DUS1L: variants seen among roughly 807,000 people sequenced by gnomAD.
DUS1L encodes the protein tRNA-dihydrouridine(16/17) synthase [NAD(P)(+)]-like.
In DUS1L, 56 loss-of-function variants were observed where a neutral mutation model predicts 61.2. The ratio of observed to expected loss-of-function variants is 0.92; its 90% CI spans 0.74 to 1.14. The LOEUF (loss-of-function observed/expected upper bound fraction) is 1.14. Ranked by LOEUF, DUS1L falls within the 50% of genes most tolerant of loss-of-function variation. The probability of loss-of-function intolerance (pLI) is 0.00; values close to 1 mark genes in which losing one functional copy is unlikely to be tolerated. For missense variants in DUS1L, 630 were observed against 632.4 expected (o/e 1.00, Z 0.04); for synonymous variants, 278 against 259.5 (o/e 1.07, Z -0.69).
intron 4 of DUS1L, 79 bp from the exon 5 acceptor site, chr17:82,063,052 G>T: frequency 1.6e-6 from 2 of 1,268,352 alleles, no homozygotes; most frequent in Non-Finnish European, 2.3e-6. Context: ...CCAGGGCCCT[G>T]CAGACAGCGG....
In DUS1L at chr17:82,065,708, C is replaced by T. The variant is rs1221077909; in HGVS notation, c.-106G>A. 6.8e-6 allele frequency: 1 copy of T among 148,018 alleles called. No homozygotes were observed. Among genetic ancestry groups the T allele is most frequent in the Non-Finnish European group, 1.5e-5 (1 of 66,598 alleles). 9.2% of individuals were successfully genotyped at this position (148,018 alleles called of 1,614,324 possible). On this transcript the variant is annotated 5_prime_UTR_variant, in exon 1 of 14. Transcript: ENST00000306796. Reference sequence around the variant, plus strand: ...CCGCCCCTCTCCGGCCTCGCCGCCGCCCGGGGCCCCTGCAGCTCCCGGGGC... The same window carrying T: ...CCGCCCCTCTCCGGCCTCGCCGCCGTCCGGGGCCCCTGCAGCTCCCGGGGC...
intron 10 of DUS1L, 101 bp downstream of exon 10, chr17:82,060,600 C>G: frequency 2.1e-6 from 3 of 1,438,218 alleles, no homozygotes; most frequent in Non-Finnish European, 2.8e-6. Context: ...GATGACTGAC[C>G]ATAATGGCTG....
chr17:82,060,032 C>T lies in DUS1L; in HGVS notation c.1084G>A (p.Glu362Lys), dbSNP rs1377248973. Reference protein sequence around the residue: ...ARSKRALEEEEGGTEVLSKNK... With the variant: ...ARSKRALEEEKGGTEVLSKNK... ...TTGGACAGGACCTCCGTGCCACCCTCCTCTTCCTCCAGGGCCCGCTTGCTG... is the reference window on the plus strand; with the variant it reads ...TTGGACAGGACCTCCGTGCCACCCTTCTCTTCCTCCAGGGCCCGCTTGCTG... Residue 362 changes from glutamate (E) to lysine (K), a missense_variant, in exon 11 of 14, where the codon GAG (glutamate) becomes AAG (lysine). Glu to Lys is a moderately conservative substitution (Grantham distance 56). Coordinates refer to ENST00000306796, the MANE Select transcript of DUS1L (RefSeq NM_022156.5). 6.2e-7 allele frequency: 1 copy of T among 1,613,852 alleles called. No individual in the cohort carries two copies. The highest frequency in any genetic ancestry group is 8.5e-7 in the Non-Finnish European group (1 of 1,179,986).
chr17:82,061,334 G>C lies in DUS1L; in HGVS notation c.717C>G (p.Pro239=), dbSNP rs772398801. ...VMSAEGNLHN[P]ALFEGRSPAV... is the part of the protein sequence containing the mutation. ...CAGGGCTCCGGCCCTCGAACAGGGC[G>C]GGGTTGTGCAGGTTGCCCTCTGTGG... The change falls in exon 8 of 14, where the codon CCC becomes CCG. Residue 239 remains proline (P), a synonymous_variant. Transcript: ENST00000306796. The C allele has an allele frequency of 1.3e-6, 2 of 1,589,932 alleles. No homozygotes were observed. Among genetic ancestry groups the C allele is most frequent in the African/African-American group, 2.7e-5 (2 of 74,370 alleles).
rs2033408756 is a variant in DUS1L, at chr17:82,060,148, CCACAGCCACACGGGT to C, written c.1023-70_1023-56del. ...GGACACTGTGAGAGGGGCCCAGCAG[CCACAGCCACACGGGT>C]CTGAGTCTGGGTGAGGGGCCAGGCG... On this transcript the variant is annotated intron_variant, in intron 10 of 13. Transcript: ENST00000306796. 4 of 1,580,018 alleles carry C rather than the reference CCACAGCCACACGGGT, an allele frequency of 2.5e-6. No homozygotes were observed. In the Admixed American group the frequency reaches 7.2e-5, roughly 28 times the overall value.
In DUS1L at chr17:82,061,664, C is replaced by A. The variant is rs2033504757; in HGVS notation, c.651G>T (p.Val217=). ...CACCCGTGTCCCGGAGGCAGCGCTCCACGTCCTGCAGGCACTGGATGTTCC... is the reference window on the plus strand; with the variant it reads ...CACCCGTGTCCCGGAGGCAGCGCTCAACGTCCTGCAGGCACTGGATGTTCC... ...ANGNIQCLQD[V]ERCLRDTGVQ... The change falls in exon 7 of 14, where the codon GTG becomes GTT. Residue 217 remains valine (V), a synonymous_variant. Transcript: ENST00000306796. 1.9e-6 allele frequency: 3 copies of A among 1,612,886 alleles called. No homozygotes were observed. The African/African-American group carries it at 4.0e-5, about 22-fold the overall frequency.
In DUS1L at chr17:82,057,916, G is replaced by A. The variant is rs770607614; in HGVS notation, c.*199C>T. On this transcript the variant is annotated 3_prime_UTR_variant, in exon 14 of 14. Coordinates refer to ENST00000306796, the MANE Select transcript of DUS1L (RefSeq NM_022156.5). ...TGATTTATTGTTCACTTTTGCACACGCGTGCTGAGGACAGGGCAGGTCCAG... is the reference window on the plus strand; with the variant it reads ...TGATTTATTGTTCACTTTTGCACACACGTGCTGAGGACAGGGCAGGTCCAG... The A allele has an allele frequency of 2.8e-5, 14 of 496,224 alleles. No individual in the cohort carries two copies. Among genetic ancestry groups the A allele is most frequent in the Non-Finnish European group, 3.7e-5 (11 of 295,714 alleles). 30.7% of individuals were successfully genotyped at this position (496,224 alleles called of 1,614,324 possible).
rs1158094593 is a variant in DUS1L at position 82,062,720 on chromosome 17, T to TG, written c.510+140dup. The TG allele has an allele frequency of 2.1e-5, 14 of 681,628 alleles. No homozygotes were observed. The Admixed American group carries it at 3.6e-4, about 18-fold the overall frequency. The allele number at this position is 681,628 out of a possible 1,614,324, so 42.2% of individuals were successfully genotyped here. The stretch of plus-strand genomic sequence containing the variant: ...TTGGGGTGGTGGCACTCAGAGCCAG[T>TG]GGGGACAGGCCAGTCAGGAGGGCCA... On this transcript the variant is annotated intron_variant, in intron 5 of 13. Coordinates refer to ENST00000306796, the MANE Select transcript of DUS1L (RefSeq NM_022156.5).
Position 82,061,983 on chromosome 17 carries a change from AC to A in DUS1L, c.511-1del. On this transcript the variant is annotated splice_acceptor_variant, in intron 5 of 13. Transcript: ENST00000306796. LOFTEE classifies it high-confidence loss of function. ...TTGGTGCGTCCGTGCACCGTCAGCA[AC>A]TAGGACAGAGCAGTGGTCGCTTGAC... is the stretch of plus-strand genomic sequence containing the variant. 1 of 1,601,658 alleles carries A rather than the reference AC, an allele frequency of 6.2e-7. No homozygotes were observed.
chr17:82,059,952 C>G lies in DUS1L; in HGVS notation c.1164G>C (p.Leu388=), dbSNP rs754347823. The G allele has an allele frequency of 1.2e-6, 2 of 1,613,994 alleles. No individual in the cohort carries two copies. Among genetic ancestry groups the G allele is most frequent in the East Asian group, 2.2e-5 (1 of 44,882 alleles). The part of the protein sequence containing the change: ...RNPHKTFDPS[L]KPKYAKCDQC... ...ATCAGCGGAAGCAGCACTTACGCTT[C>G]AGAGAGGGGTCGAAGGTCTTGTGGG... Residue 388 remains leucine, a synonymous_variant, in exon 11 of 14, where the codon CTG becomes CTC. Transcript: ENST00000306796.
chr17:82,062,010 CCCT>C (rs775011070), intron 5 of DUS1L, 27 bp from the exon 6 acceptor site: 1 of 1,546,174 alleles, frequency 6.5e-7, no homozygotes, highest in South Asian at 1.2e-5. Flanking sequence ...GTCGCTTGAC[CCCT>C]CCAAGCCCCT....
rs958364752 is a variant in DUS1L at position 82,065,126 on chromosome 17, C to A, written c.-10-57G>T. 5 of 1,461,610 alleles carry A rather than the reference C, an allele frequency of 3.4e-6. No individual in the cohort carries two copies. The Admixed American group carries it at 9.2e-5, about 27-fold the overall frequency. The allele number at this position is 1,461,610 out of a possible 1,614,324, so 90.5% of individuals were successfully genotyped here. ...CAGGCCCAACGAGGGGCTTAAGACTCAACTCAGAGGCAGCGGTCACCCTTC... is the reference window on the plus strand; with the variant it reads ...CAGGCCCAACGAGGGGCTTAAGACTAAACTCAGAGGCAGCGGTCACCCTTC... On this transcript the variant is annotated intron_variant, in intron 1 of 13. Transcript: ENST00000306796.
At position 82,060,909 on chromosome 17, in the gene DUS1L, C is replaced by T. The variant is rs748124886; in HGVS notation, c.895G>A (p.Glu299Lys). 4 of 1,611,468 alleles carry T rather than the reference C, an allele frequency of 2.5e-6. No homozygotes were observed. Among genetic ancestry groups the T allele is most frequent in the Non-Finnish European group, 3.4e-6 (4 of 1,179,926 alleles). The change falls in exon 9 of 14, where the codon GAG becomes AAG. Residue 299 changes from glutamate to lysine, a missense_variant. Coordinates refer to ENST00000306796, the MANE Select transcript of DUS1L (RefSeq NM_022156.5). Reference sequence around the variant, plus strand: ...TCCTGGCTCACAGCAGCGATGCCCTCCAGGGTCTTCACCTTGGCCAGCTCC... The same window carrying T: ...TCCTGGCTCACAGCAGCGATGCCCTTCAGGGTCTTCACCTTGGCCAGCTCC... ...REELAKVKTLEGIAAVSQELK... is the reference protein window; with the variant it reads ...REELAKVKTLKGIAAVSQELK...
chr17:82,061,956 C>T lies in DUS1L; in HGVS notation c.538G>A (p.Glu180Lys). The change falls in exon 6 of 14, where the codon GAG (glutamate) becomes AAG (lysine). Residue 180 changes from glutamate to lysine, a missense_variant. Coordinates refer to ENST00000306796, the MANE Select transcript of DUS1L (RefSeq NM_022156.5). ...GCACCCGACAGGGGCCCCTTCTGCTCCTTGGTGCGTCCGTGCACCGTCAGC... is the reference window on the plus strand; with the variant it reads ...GCACCCGACAGGGGCCCCTTCTGCTTCTTGGTGCGTCCGTGCACCGTCAGC... Reference protein sequence around the residue: ...QLLTVHGRTKEQKGPLSGAAS... With the variant: ...QLLTVHGRTKKQKGPLSGAAS... 3.1e-6 allele frequency: 5 copies of T among 1,610,344 alleles called. No individual in the cohort carries two copies. Among genetic ancestry groups the T allele is most frequent in the Non-Finnish European group, 4.2e-6 (5 of 1,178,634 alleles).
intron 12 of DUS1L, 179 bp from the exon 13 acceptor site, chr17:82,058,595 C>T (rs754134112): frequency 2.7e-6 from 4 of 1,462,768 alleles, no homozygotes; most frequent in African/African-American, 1.4e-5. Flanking sequence ...AGACTCTCTT[C>T]CCCTCCAGGC....
At position 82,058,134 on chromosome 17, in the gene DUS1L, A is replaced by G. The variant is rs1400951146; in HGVS notation, c.1403T>C (p.Met468Thr). The G allele has an allele frequency of 5.7e-6, 9 of 1,587,232 alleles. No individual in the cohort carries two copies. The highest frequency in any genetic ancestry group is 8.6e-7 in the Non-Finnish European group (1 of 1,162,320). The stretch of plus-strand genomic sequence containing the variant: ...GGGCCTTCAGGCCAGGGCACTGCCC[A>G]TGACTTCGGAGAAGCCACCTGGTGT... Reference protein sequence around the residue: ...PGTPGGFSEVMGSALA With the variant: ...PGTPGGFSEVTGSALA Residue 468 changes from methionine (M) to threonine (T), a missense_variant, in exon 14 of 14, where the codon ATG becomes ACG. By Grantham distance (81) the Met-to-Thr change is moderately conservative. Coordinates refer to ENST00000306796, the MANE Select transcript of DUS1L (RefSeq NM_022156.5).
intron 4 of DUS1L, 59 bp downstream of exon 4, chr17:82,063,409 C>G: frequency 6.2e-7 from 1 of 1,609,642 alleles, no homozygotes; most frequent in Admixed American, 1.7e-5. Flanking sequence ...GTGGACAGTG[C>G]CCATGTGTCC....
chr17:82,065,135 G>A lies in DUS1L; in HGVS notation c.-10-66C>T, dbSNP rs570343919. The A allele has an allele frequency of 1.6e-5, 23 of 1,419,388 alleles. No individual in the cohort carries two copies. The South Asian group carries it at 2.5e-4, about 15-fold the overall frequency. 87.9% of individuals were successfully genotyped at this position (1,419,388 alleles called of 1,614,324 possible). On this transcript the variant is annotated intron_variant, in intron 1 of 13. Transcript: ENST00000306796. ...CGAGGGGCTTAAGACTCAACTCAGA[G>A]GCAGCGGTCACCCTTCTAAGGCCGC...
At position 82,058,100 on chromosome 17, in the gene DUS1L, G is replaced by A; in HGVS notation, c.*15C>T. ...AGGCTCCAGCAGCAGTCCTGGGGGT[G>A]GGGGTTGTGGGCCTTCAGGCCAGGG... On this transcript the variant is annotated 3_prime_UTR_variant, in exon 14 of 14. Coordinates refer to ENST00000306796, the MANE Select transcript of DUS1L (RefSeq NM_022156.5). The A allele has an allele frequency of 6.5e-7, 1 of 1,526,746 alleles. No individual in the cohort carries two copies. Among genetic ancestry groups the A allele is most frequent in the South Asian group, 1.2e-5 (1 of 80,812 alleles). 94.6% of individuals were successfully genotyped at this position (1,526,746 alleles called of 1,614,324 possible). A position where few individuals can be genotyped will look rare whatever the true frequency, so the allele number is the denominator to read the frequency against.
Sources: allele counts gnomAD v4.1 joint callset, GRCh38; gene constraint gnomAD v4.1.1; transcripts MANE v1.5; gene names NCBI Gene and HGNC (gene_info 2026-07-23, HGNC 2026-07-21).